Variants in NBEAL2 observed in about 807,000 individuals in gnomAD.
NBEAL2 encodes neurobeachin like 2.
Under a neutral mutation model 299.8 loss-of-function variants are expected in NBEAL2, and 160 were observed. That is an observed-to-expected ratio of 0.53 (90% CI 0.47 to 0.61). The LOEUF (loss-of-function observed/expected upper bound fraction) is 0.61, where lower values mean the gene tolerates loss of function less well. Among genes scored for constraint, NBEAL2 ranks in the 20% least tolerant of loss-of-function variants. NBEAL2 has a pLI of 0.00. For synonymous variants in NBEAL2, 1,493 were observed against 1,542.3 expected, an observed-to-expected ratio of 0.97 and a Z score of 0.75; for missense variants, 3,112 against 3,649.0, an observed-to-expected ratio of 0.85 and a Z score of 3.79.
intron 1 of NBEAL2, chr3:46,987,846 G>A (rs1575586222): frequency 8.4e-6 from 2 of 237,028 alleles, no homozygotes; most frequent in Non-Finnish European, 6.9e-6. Flanking sequence ...AGGCCAGGTC[G>A]CTTGCAGCCT....
Position 46,979,698 on chromosome 3 carries a change from C to T in NBEAL2, c.-164C>T, listed in dbSNP as rs889687960. 1 of 311,312 alleles carries T rather than the reference C, an allele frequency of 3.2e-6. No individual in the cohort carries two copies. Among genetic ancestry groups the T allele is most frequent in the Non-Finnish European group, 5.9e-6 (1 of 169,496 alleles). The allele number at this position is 311,312 out of a possible 1,614,324, so 19.3% of individuals were successfully genotyped here. A position where few individuals can be genotyped will look rare whatever the true frequency, so the allele number is the denominator to read the frequency against. ...AGGAGGAGCGAGCAGACTTGGGTGG[C>T]TCTGCGCCGCGGAGGCCACAGCCGC... On this transcript the variant is annotated 5_prime_UTR_variant, in exon 1 of 54. Transcript: ENST00000450053.
At position 47,005,968 on chromosome 3, in the gene NBEAL2, A is replaced by C. The variant is rs1379303201; in HGVS notation, c.6824A>C (p.His2275Pro). 1.2e-6 allele frequency: 2 copies of C among 1,613,648 alleles called. No individual in the cohort carries two copies. The highest frequency in any genetic ancestry group is 1.7e-6 in the Non-Finnish European group (2 of 1,179,880). ...QALESEYVSAHLHEWIDLIFG... is the reference protein window; with the variant it reads ...QALESEYVSAPLHEWIDLIFG... ...CAGGAGTCGGAGTATGTGTCTGCAC[A>C]CCTACACGAGTGGATCGACCTCATC... The change falls in exon 43 of 54, where the codon CAC becomes CCC. Residue 2275 changes from histidine to proline, a missense_variant. Coordinates refer to ENST00000450053, the MANE Select transcript of NBEAL2 (RefSeq NM_015175.3).
chr3:46,983,450 C>T (rs1182700383), intron 1 of NBEAL2, among the ~76,000 whole-genome samples: 4 of 151,928 alleles, frequency 2.6e-5, no homozygotes, highest in Non-Finnish European at 4.4e-5. Context: ...GCTCAGACTA[C>T]AGGCGTGTGC....
rs1175710773 is a variant in NBEAL2 at position 47,003,023 on chromosome 3, G to A, written c.5526G>A (p.Leu1842=). 6.2e-7 allele frequency: 1 copy of A among 1,613,364 alleles called. No individual in the cohort carries two copies. The highest frequency in any genetic ancestry group is 1.3e-5 in the African/African-American group (1 of 75,048). Residue 1842 remains leucine (L), a synonymous_variant, in exon 34 of 54, where the codon CTG becomes CTA. Transcript: ENST00000450053. The surrounding 1 kb of genome is among the most constrained non-coding windows in gnomAD (Gnocchi z 7.0). ...CATATTCACGCATGCGTCTGAAGCTGGTGCCCAACCATCACTTCGACCCTC... is the reference window on the plus strand; with the variant it reads ...CATATTCACGCATGCGTCTGAAGCTAGTGCCCAACCATCACTTCGACCCTC... ...AETYSRMRLK[L]VPNHHFDPHL... is the part of the protein sequence containing the mutation.
chr3:46,998,617 G>T (rs907009337), intron 22 of NBEAL2, 52 bp downstream of exon 22: 1 of 1,579,172 alleles, frequency 6.3e-7, no homozygotes, highest in Admixed American at 1.8e-5. Context: ...AGTGGCCTCC[G>T]GCCTTGGGGA....
intron 46 of NBEAL2, 37 bp downstream of exon 46, chr3:47,007,192 TC>T: frequency 6.2e-7 from 1 of 1,609,902 alleles, no homozygotes; most frequent in South Asian, 1.1e-5. Flanking sequence ...TCAGCTCCAC[TC>T]CCCCTTGCCT....
Position 47,001,917 on chromosome 3 carries a change from C to T in NBEAL2, c.4783-3C>T, listed in dbSNP as rs374030381. ...GTGCCACTCATCTCTCTTGCGCCCA[C>T]AGCTGCATGCCCAGGCCTACGTGAG... On this transcript the variant is annotated splice_region_variant and splice_polypyrimidine_tract_variant and intron_variant, in intron 30 of 53. Coordinates refer to ENST00000450053, the MANE Select transcript of NBEAL2 (RefSeq NM_015175.3). The surrounding 1 kb of genome is among the most constrained non-coding windows in gnomAD (Gnocchi z 6.1). 86 of 1,604,296 alleles carry T rather than the reference C, an allele frequency of 5.4e-5. 1 individual carries two copies. The Admixed American group carries it at 1.4e-3, about 26-fold the overall frequency.
rs774391780 is a variant in NBEAL2 at position 46,999,903 on chromosome 3, C to G, written c.3804C>G (p.Ile1268Met). Residue 1268 changes from isoleucine (I) to methionine (M), a missense_variant, in exon 27 of 54, where the codon ATC (isoleucine) becomes ATG (methionine). Around this residue, in one of 3 missense-constraint regions of NBEAL2, gnomAD observed 2,243 missense variants for 2,538.1 expected, o/e 0.88. Coordinates refer to ENST00000450053, the MANE Select transcript of NBEAL2 (RefSeq NM_015175.3). ...LDICRQLFHL[I>M]YGQPDVVRLL... ...CTCGCCTGCAGCTTTTCCACCTCAT[C>G]TACGGACAGCCAGATGTAGTGCGGC... is the stretch of plus-strand genomic sequence containing the variant. 2 of 1,605,912 alleles carry G rather than the reference C, an allele frequency of 1.2e-6. No individual in the cohort carries two copies. Among genetic ancestry groups the G allele is most frequent in the Admixed American group, 1.7e-5 (1 of 59,838 alleles).
At position 46,988,072 on chromosome 3, in the gene NBEAL2, G is replaced by A; in HGVS notation, c.52-597G>A. On this transcript the variant is annotated intron_variant, in intron 1 of 53. Coordinates refer to ENST00000450053, the MANE Select transcript of NBEAL2 (RefSeq NM_015175.3). The surrounding 1 kb of genome is among the most constrained non-coding windows in gnomAD (Gnocchi z 4.4). ...CATGGAACCAGCTCTGGGGCCTGGG[G>A]TCCAGGTAACCAGCAAGGGTGGGTG... 3 of 1,236,384 alleles carry A rather than the reference G, an allele frequency of 2.4e-6. No homozygotes were observed. Among genetic ancestry groups the A allele is most frequent in the Non-Finnish European group, 3.1e-6 (3 of 964,034 alleles). 76.6% of individuals were successfully genotyped at this position (1,236,384 alleles called of 1,614,324 possible).
At chr3:47,002,551 T>C (rs2037099501) in intron 32 of NBEAL2, 31 bp downstream of exon 32, 28 of 1,611,168 alleles carry the variant, frequency 1.7e-5, no homozygotes, top group Non-Finnish European at 2.3e-5. Context: ...GATGGGAAAC[T>C]GCTCCACACA....
At chr3:46,985,888 T>C (rs977509398) in intron 1 of NBEAL2, among the ~76,000 whole-genome samples, 1 of 152,172 alleles carries the variant, frequency 6.6e-6, no homozygotes, top group Non-Finnish European at 1.5e-5. Flanking sequence ...CTGAGCATCA[T>C]GGCCACTCCT....
Position 47,008,357 on chromosome 3 carries a change from C to G in NBEAL2, c.7794C>G (p.Phe2598Leu). The part of the protein sequence containing the change: ...VAALRPLGAT[F>L]PGPIFHLALG... ...CACTACGGCCTCTGGGTGCCACATT[C>G]CCTGGACCTATTTTCCACCTGGCAT... Residue 2598 changes from phenylalanine to leucine, a missense_variant, in exon 51 of 54, where the codon TTC becomes TTG. This residue lies in a region of NBEAL2 where 348 missense variants were observed against 381.4 expected (regional missense o/e 0.91). Coordinates refer to ENST00000450053, the MANE Select transcript of NBEAL2 (RefSeq NM_015175.3). The G allele has an allele frequency of 6.2e-7, 1 of 1,613,666 alleles. No individual in the cohort carries two copies. The highest frequency in any genetic ancestry group is 8.5e-7 in the Non-Finnish European group (1 of 1,179,740).
chr3:47,003,132 T>G lies in NBEAL2; in HGVS notation c.5585-42T>G. 6.2e-7 allele frequency: 1 copy of G among 1,608,906 alleles called. No individual in the cohort carries two copies. On this transcript the variant is annotated intron_variant, in intron 34 of 53. Coordinates refer to ENST00000450053, the MANE Select transcript of NBEAL2 (RefSeq NM_015175.3). The surrounding 1 kb of genome is among the most constrained non-coding windows in gnomAD (Gnocchi z 7.0). ...CACCCAACTCGATTGTCCCGTCTCC[T>G]GTCCTGCCTTGCTTCTGCTGAGTAC...
chr3:46,998,910 G>C lies in NBEAL2; in HGVS notation c.3384+31G>C, dbSNP rs553552781. The C allele has an allele frequency of 3.1e-6, 5 of 1,598,758 alleles. No homozygotes were observed. The African/African-American group carries it at 6.7e-5, about 21-fold the overall frequency. Reference sequence around the variant, plus strand: ...CTGGAGGTTGGGGAGCGGGAGGCTTGGGTGAGGGGAGTGGGGGCCCGACAC... The same window carrying C: ...CTGGAGGTTGGGGAGCGGGAGGCTTCGGTGAGGGGAGTGGGGGCCCGACAC... On this transcript the variant is annotated intron_variant, in intron 23 of 53. Coordinates refer to ENST00000450053, the MANE Select transcript of NBEAL2 (RefSeq NM_015175.3).
chr3:47,005,836 C>T lies in NBEAL2; in HGVS notation c.6790C>T (p.Arg2264Cys), dbSNP rs767812860. ...SSPEDFIQQH[R>C]QALESEYVSA... ...TCCTGAGGACTTCATCCAGCAGCACCGCCAGGCTCTGGTGAGGAAGGAACC... is the reference window on the plus strand; with the variant it reads ...TCCTGAGGACTTCATCCAGCAGCACTGCCAGGCTCTGGTGAGGAAGGAACC... Residue 2264 changes from arginine (R) to cysteine (C), a missense_variant, in exon 42 of 54, where the codon CGC (arginine) becomes TGC (cysteine). Around this residue, in one of 3 missense-constraint regions of NBEAL2, gnomAD observed 521 missense variants for 729.6 expected, o/e 0.71. Coordinates refer to ENST00000450053, the MANE Select transcript of NBEAL2 (RefSeq NM_015175.3). 6.8e-6 allele frequency: 11 copies of T among 1,613,232 alleles called. No individual in the cohort carries two copies. The highest frequency in any genetic ancestry group is 2.2e-5 in the South Asian group (2 of 91,086).
intron 1 of NBEAL2, among the ~76,000 whole-genome samples, chr3:46,986,399 A>C (rs1318253441): frequency 2.0e-5 from 3 of 152,196 alleles, no homozygotes; most frequent in Non-Finnish European, 2.9e-5. Flanking sequence ...GCAGTGGGGC[A>C]TAGGGTGGGA....
Position 46,998,793 on chromosome 3 carries a change from T to G in NBEAL2, c.3298T>G (p.Phe1100Val). 1 of 1,566,640 alleles carries G rather than the reference T, an allele frequency of 6.4e-7. No individual in the cohort carries two copies. The highest frequency in any genetic ancestry group is 8.7e-7 in the Non-Finnish European group (1 of 1,155,812). Residue 1100 changes from phenylalanine to valine, a missense_variant, in exon 23 of 54, where the codon TTC (phenylalanine) becomes GTC (valine). Coordinates refer to ENST00000450053, the MANE Select transcript of NBEAL2 (RefSeq NM_015175.3). ...QTSLLGLARE[F>V]LVRSLSADDV... ...CTCCCTCCTGGGCCTGGCGAGGGAG[T>G]TCCTGGTGCGGAGTCTCTCAGCAGA...
Position 47,003,844 on chromosome 3 carries a change from C to T in NBEAL2, c.5749C>T (p.Arg1917Cys), listed in dbSNP as rs375488776. ...PMEAAELDEQ[R>C]EKLVLSAECQ... is the part of the protein sequence containing the mutation. The stretch of plus-strand genomic sequence containing the variant: ...GGAGGCAGCAGAACTGGATGAGCAG[C>T]GTGAGAAGCTGGTGCTGTCGGCCGA... The change falls in exon 36 of 54, where the codon CGT (arginine) becomes TGT (cysteine). Residue 1917 changes from arginine (R) to cysteine (C), a missense_variant. By Grantham distance (180) the Arg-to-Cys change is radical (BLOSUM62 -3). Around this residue, in one of 3 missense-constraint regions of NBEAL2, gnomAD observed 2,243 missense variants for 2,538.1 expected, o/e 0.88. Coordinates refer to ENST00000450053, the MANE Select transcript of NBEAL2 (RefSeq NM_015175.3). The surrounding 1 kb of genome is among the most constrained non-coding windows in gnomAD (Gnocchi z 7.0). 11 of 1,610,690 alleles carry T rather than the reference C, an allele frequency of 6.8e-6. No individual in the cohort carries two copies. The highest frequency in any genetic ancestry group is 5.3e-5 in the African/African-American group (4 of 74,862).
In NBEAL2 at chr3:47,002,075, G is replaced by T; in HGVS notation, c.4938G>T (p.Gly1646=). ...SSLESATDEA[G]SPLAAAAAAA... ...TGGAGTCAGCCACTGATGAGGCAGG[G>T]TCCCCACTTGCAGCTGCAGCAGCTG... Residue 1646 remains glycine (G), a synonymous_variant, in exon 31 of 54, where the codon GGG becomes GGT. Transcript: ENST00000450053. The T allele has an allele frequency of 1.3e-6, 2 of 1,552,068 alleles. No individual in the cohort carries two copies. The highest frequency in any genetic ancestry group is 1.7e-6 in the Non-Finnish European group (2 of 1,147,858).
Sources: gnomAD v4.1 joint callset for allele counts (sites outside exome capture counted in the v4.1 genomes callset) on GRCh38, gnomAD v4.1.1 for gene constraint, gnomAD v4.1.1 regional missense constraint, Gnocchi (gnomAD v3.1) non-coding constraint, MANE v1.5 for transcripts, NCBI Gene and HGNC (gene_info 2026-07-23, HGNC 2026-07-21) for gene names.